LUZP2: variants seen among roughly 807,000 people sequenced by gnomAD.
LUZP2 encodes the protein leucine zipper protein 2.
A neutral mutation model predicts 51.6 loss-of-function variants in LUZP2; 52 were observed. That is an observed-to-expected ratio of 1.01 (90% CI 0.81 to 1.27). The LOEUF is 1.27. Ranked by LOEUF, LUZP2 falls within the 50% of genes most tolerant of loss-of-function variation. The probability of loss-of-function intolerance (pLI) is 0.00; values close to 1 mark genes in which losing one functional copy is unlikely to be tolerated. For synonymous variants in LUZP2, 154 were observed against 137.3 expected, an observed-to-expected ratio of 1.12 and a Z score of -0.85; for missense variants, 436 against 395.4, an observed-to-expected ratio of 1.10 and a Z score of -0.87.
chr11:24,963,881 C>G (rs1406372521), intron 7 of LUZP2, among the ~76,000 whole-genome samples: 1 of 152,144 alleles, frequency 6.6e-6, no homozygotes. Context: ...AGCTGTAGAC[C>G]GGAGCTGTTC....
chr11:24,625,353 A>G (rs1383206777), intron 1 of LUZP2, among the ~76,000 whole-genome samples: 1 of 151,954 alleles, frequency 6.6e-6, no homozygotes, highest in Non-Finnish European at 1.5e-5. Flanking sequence ...TTCAAAAAAA[A>G]AAGGAAGGGA....
chr11:24,968,306 T>C (rs1484771338), intron 7 of LUZP2, among the ~76,000 whole-genome samples: 1 of 152,174 alleles, frequency 6.6e-6, no homozygotes, highest in Non-Finnish European at 1.5e-5. Flanking sequence ...AATTCCACCA[T>C]TGTATCACAA....
intron 9 of LUZP2, among the ~76,000 whole-genome samples, chr11:25,048,951 T>G (rs1387721378): frequency 6.6e-6 from 1 of 152,154 alleles, no homozygotes; most frequent in African/African-American, 2.4e-5. Flanking sequence ...TTCTAGTTGC[T>G]TTATTCATGT....
intron 7 of LUZP2, among the ~76,000 whole-genome samples, chr11:24,921,613 C>T (rs1854058535): frequency 6.6e-6 from 1 of 152,122 alleles, no homozygotes. Flanking sequence ...TTTTTTATTA[C>T]AGGAACATTT....
intron 1 of LUZP2, among the ~76,000 whole-genome samples, chr11:24,502,337 T>G (rs957657607): frequency 3.3e-5 from 5 of 151,972 alleles, no homozygotes; most frequent in Non-Finnish European, 7.4e-5. Context: ...AGAGGTATAA[T>G]GGGGGTTATT....
At chr11:25,033,484 T>G (rs770217233) in intron 9 of LUZP2, among the ~76,000 whole-genome samples, 6 of 152,158 alleles carry the variant, frequency 3.9e-5, no homozygotes, top group Non-Finnish European at 5.9e-5. Flanking sequence ...CATGGGAATA[T>G]TGTGTGATGT....
chr11:24,797,796 A>G (rs1179988065), intron 5 of LUZP2, among the ~76,000 whole-genome samples: 1 of 152,208 alleles, frequency 6.6e-6, no homozygotes, highest in Non-Finnish European at 1.5e-5. Flanking sequence ...CTATTTATTG[A>G]TAAAGTTCTT....
intron 1 of LUZP2, among the ~76,000 whole-genome samples, chr11:24,616,138 T>G (rs1854278377): frequency 6.6e-6 from 1 of 152,016 alleles, no homozygotes; most frequent in African/African-American, 2.4e-5. Context: ...TATATACCAG[T>G]ATATAATTTT....
At chr11:24,625,858 G>T (rs548114143) in intron 1 of LUZP2, among the ~76,000 whole-genome samples, 1 of 152,220 alleles carries the variant, frequency 6.6e-6, no homozygotes, top group South Asian at 2.1e-4. Flanking sequence ...GTTTGTACAG[G>T]ACAGTGGAAA....
intron 1 of LUZP2, among the ~76,000 whole-genome samples, chr11:24,602,052 G>GTA (rs1352857205): frequency 5.8e-5 from 8 of 138,236 alleles, no homozygotes; most frequent in South Asian, 2.2e-4. Flanking sequence ...GTATATATGT[G>GTA]TATATATGTG....
At chr11:24,529,562 A>T (rs924556055) in intron 1 of LUZP2, among the ~76,000 whole-genome samples, 1 of 151,120 alleles carries the variant, frequency 6.6e-6, no homozygotes, top group Non-Finnish European at 1.5e-5. Context: ...ACAAATGCTA[A>T]TGTGTCCATG....
At chr11:24,804,237 G>A (rs1646110640) in intron 5 of LUZP2, among the ~76,000 whole-genome samples, 1 of 152,100 alleles carries the variant, frequency 6.6e-6, no homozygotes, top group Non-Finnish European at 1.5e-5. Flanking sequence ...GACAGGCCAA[G>A]TATTGGCAGA....
rs1329640987 is a variant in LUZP2 at position 24,699,666 on chromosome 11, T to TATAC, written c.63-29502_63-29501insTACA. 2.3e-4 allele frequency among the ~76,000 whole-genome samples: 32 copies of TATAC among 141,542 alleles called. No homozygotes were observed. The South Asian group carries it at 6.5e-3, about 29-fold the overall frequency. The allele number at this position is 141,542 out of a possible 152,430, so 92.9% of individuals were successfully genotyped here. A position where few individuals can be genotyped will look rare whatever the true frequency, so the allele number is the denominator to read the frequency against. On this transcript the variant is annotated intron_variant, in intron 1 of 11. Coordinates refer to ENST00000336930, the MANE Select transcript of LUZP2 (RefSeq NM_001009909.4). ...CAATAGCCTTGGCCATATATATATA[T>TATAC]ACACACACACATATATACACAGACA...
Position 24,828,618 on chromosome 11 carries a change from T to A in LUZP2, c.396+65310T>A, listed in dbSNP as rs551420136. Among the ~76,000 whole-genome samples the A allele has an allele frequency of 2.3e-3, 350 of 152,004 alleles. 6 individuals carry two copies. The highest frequency in any genetic ancestry group is 0.016 in the South Asian group (77 of 4,826). The stretch of plus-strand genomic sequence containing the variant: ...CCCATATTGTTCAGTGGATTTTTTT[T>A]AAAATCAACTTCTGAATGATGTGTC... On this transcript the variant is annotated intron_variant, in intron 5 of 11. Coordinates refer to ENST00000336930, the MANE Select transcript of LUZP2 (RefSeq NM_001009909.4).
At chr11:24,890,207 A>T (rs1852801904) in intron 5 of LUZP2, among the ~76,000 whole-genome samples, 1 of 152,188 alleles carries the variant, frequency 6.6e-6, no homozygotes, top group Non-Finnish European at 1.5e-5. Flanking sequence ...GCATATACTC[A>T]GGGAGAAAAG....
In LUZP2 at chr11:24,832,125, T is replaced by C. The variant is rs190842831; in HGVS notation, c.396+68817T>C. ...TAAAATTGGATATAATAAAGCAGGA[T>C]ACTTGCTATAATGGAAGAAAAGAGA... is the stretch of plus-strand genomic sequence containing the variant. On this transcript the variant is annotated intron_variant, in intron 5 of 11. Coordinates refer to ENST00000336930, the MANE Select transcript of LUZP2 (RefSeq NM_001009909.4). 2.6e-3 allele frequency: 398 copies of C among 152,324 alleles called. 2 individuals carry two copies. Among genetic ancestry groups the C allele is most frequent in the Non-Finnish European group, 3.2e-3 (217 of 67,956 alleles). 9.4% of individuals were successfully genotyped at this position (152,324 alleles called of 1,614,324 possible). A position where few individuals can be genotyped will look rare whatever the true frequency, so the allele number is the denominator to read the frequency against.
chr11:24,741,887 T>G lies in LUZP2; in HGVS notation c.333+3585T>G. Among the ~76,000 whole-genome samples the G allele has an allele frequency of 4.6e-5, 6 of 130,446 alleles. No individual in the cohort carries two copies. In the South Asian group the frequency reaches 1.1e-3, roughly 23 times the overall value. The allele number at this position is 130,446 out of a possible 152,430, so 85.6% of individuals were successfully genotyped here. A position where few individuals can be genotyped will look rare whatever the true frequency, so the allele number is the denominator to read the frequency against. On this transcript the variant is annotated intron_variant, in intron 4 of 11. Transcript: ENST00000336930. Reference sequence around the variant, plus strand: ...TGTATATATATTTATAAATATATATTTATATACATATATATTTCTATATAA... The same window carrying G: ...TGTATATATATTTATAAATATATATGTATATACATATATATTTCTATATAA...
At chr11:24,878,603 G>C (rs1390634018) in intron 5 of LUZP2, among the ~76,000 whole-genome samples, 1 of 151,928 alleles carries the variant, frequency 6.6e-6, no homozygotes, top group East Asian at 1.9e-4. Flanking sequence ...AGTTTGAGAA[G>C]TTTTCTGTTA....
chr11:24,895,345 CAG>C (rs771114515), intron 5 of LUZP2, among the ~76,000 whole-genome samples: 1 of 151,994 alleles, frequency 6.6e-6, no homozygotes, highest in South Asian at 2.1e-4. Flanking sequence ...GAAAAACAAA[CAG>C]AACTTTTTTT....
Sources: gnomAD v4.1 joint callset for allele counts (sites outside exome capture counted in the v4.1 genomes callset) on GRCh38, gnomAD v4.1.1 for gene constraint, MANE v1.5 for transcripts, NCBI Gene and HGNC (gene_info 2026-07-23, HGNC 2026-07-21) for gene names.